ACTN1: variants seen among roughly 807,000 people sequenced by gnomAD.
ACTN1 encodes alpha-actinin-1.
Under a neutral mutation model 119.6 loss-of-function variants are expected in ACTN1, and 30 were observed. That is an observed-to-expected ratio of 0.25 (90% confidence interval 0.19 to 0.34). The LOEUF is 0.34. ACTN1 is among the 10% of genes least tolerant of loss of function. The pLI is 1.00. For missense variants in ACTN1, 764 were observed against 1,223.4 expected, an observed-to-expected ratio of 0.62 and a Z score of 5.60; for synonymous variants, 429 against 472.6, an observed-to-expected ratio of 0.91 and a Z score of 1.20.
At chr14:68,951,467 C>G (rs887115002) in intron 1 of ACTN1, among the ~76,000 whole-genome samples, 1 of 152,166 alleles carries the variant, frequency 6.6e-6, no homozygotes, top group Non-Finnish European at 1.5e-5. Flanking sequence ...TCTTTCTAAC[C>G]TCAACTCCCA....
intron 1 of ACTN1, among the ~76,000 whole-genome samples, chr14:68,969,374 A>G (rs759901117): frequency 1.3e-5 from 2 of 152,130 alleles, no homozygotes; most frequent in African/African-American, 4.8e-5. Flanking sequence ...GGAAAACACA[A>G]TTCATAAGCC....
rs1566586996 is a variant in ACTN1, at chr14:68,878,472, T to C, written c.2413A>G (p.Met805Val). The C allele has an allele frequency of 1.3e-6, 2 of 1,567,426 alleles. No homozygotes were observed. The highest frequency in any genetic ancestry group is 1.8e-5 in the Admixed American group (1 of 56,310). ...TDDFRACLIS[M>V]GYNMGEAEFA... ...GTTTACGTTACCATGTTGTAACCCA[T>C]GGAGATCAGGCAGGCGCGGAAATCA... is the stretch of plus-strand genomic sequence containing the variant. The change falls in exon 20 of 22, where the codon ATG becomes GTG. Residue 805 changes from methionine to valine, a missense_variant. By Grantham distance (21) the Met-to-Val change is conservative. Transcript: ENST00000394419. The surrounding 1 kb of genome is among the most constrained non-coding windows in gnomAD (Gnocchi z 4.4).
intron 1 of ACTN1, among the ~76,000 whole-genome samples, chr14:68,931,523 G>C (rs1225663067): frequency 6.6e-6 from 1 of 152,160 alleles, no homozygotes; most frequent in East Asian, 1.9e-4. Flanking sequence ...TAAACTTGCT[G>C]GGTACAGACC....
chr14:68,953,405 A>G (rs1284096221), intron 1 of ACTN1, among the ~76,000 whole-genome samples: 1 of 152,186 alleles, frequency 6.6e-6, no homozygotes, highest in Non-Finnish European at 1.5e-5. Context: ...AGCACTAATC[A>G]GCGTGCCCAG....
Position 68,874,662 on chromosome 14 carries a change from G to A in ACTN1, c.*197C>T, listed in dbSNP as rs2030629847. 1 of 453,498 alleles carries A rather than the reference G, an allele frequency of 2.2e-6. No individual in the cohort carries two copies. The highest frequency in any genetic ancestry group is 3.5e-5 in the East Asian group (1 of 28,260). The allele number at this position is 453,498 out of a possible 1,614,324, so 28.1% of individuals were successfully genotyped here. A position where few individuals can be genotyped will look rare whatever the true frequency, so the allele number is the denominator to read the frequency against. Reference sequence around the variant, plus strand: ...AATATGTAGTTTTTTGGTTTTTAACGTAACTTTTTTTTCTTTTTTGCAGAA... The same window carrying A: ...AATATGTAGTTTTTTGGTTTTTAACATAACTTTTTTTTCTTTTTTGCAGAA... On this transcript the variant is annotated 3_prime_UTR_variant, in exon 22 of 22. Transcript: ENST00000394419.
chr14:68,927,668 C>A (rs1005784986), intron 1 of ACTN1, among the ~76,000 whole-genome samples: 1 of 152,114 alleles, frequency 6.6e-6, no homozygotes, highest in Non-Finnish European at 1.5e-5. Context: ...GGAAAGAGGA[C>A]GCAGCAGGAC....
At chr14:68,956,619 G>T (rs2036359565) in intron 1 of ACTN1, among the ~76,000 whole-genome samples, 1 of 152,092 alleles carries the variant, frequency 6.6e-6, no homozygotes, top group South Asian at 2.1e-4. Context: ...AGCAGAGGGT[G>T]GACATACCCA....
chr14:68,912,238 G>A lies in ACTN1; in HGVS notation c.345C>T (p.Ile115=), dbSNP rs773658344. The change falls in exon 4 of 22, where the codon ATC becomes ATT. Residue 115 remains isoleucine, a synonymous_variant. Transcript: ENST00000394419. ...VKLVSIGAEE[I]VDGNVKMTLG... ...GGGTCATCTTCACATTCCCATCCACGATTTCTACAGAAACAGCAGCAGCAC... is the reference window on the plus strand; with the variant it reads ...GGGTCATCTTCACATTCCCATCCACAATTTCTACAGAAACAGCAGCAGCAC... The A allele has an allele frequency of 3.4e-5, 55 of 1,613,818 alleles. No homozygotes were observed. The highest frequency in any genetic ancestry group is 6.7e-5 in the Admixed American group (4 of 59,990).
In ACTN1 at chr14:68,909,993, G is replaced by A. The variant is rs2033908701; in HGVS notation, c.477C>T (p.Ala159=). 1.9e-6 allele frequency: 3 copies of A among 1,613,994 alleles called. No homozygotes were observed. The highest frequency in any genetic ancestry group is 2.2e-5 in the South Asian group (2 of 91,062). ...GLLLWCQRKT[A]PYKNVNIQNF... is the part of the protein sequence containing the mutation. ...TCTGGATGTTGACATTTTTGTAAGGGGCTGTCTTTCTCTGACACCACAGGA... is the reference window on the plus strand; with the variant it reads ...TCTGGATGTTGACATTTTTGTAAGGAGCTGTCTTTCTCTGACACCACAGGA... The change falls in exon 5 of 22, where the codon GCC becomes GCT. Residue 159 remains alanine, a synonymous_variant. Coordinates refer to ENST00000394419, the MANE Select transcript of ACTN1 (RefSeq NM_001130004.2). The surrounding 1 kb of genome is among the most constrained non-coding windows in gnomAD (Gnocchi z 4.1).
chr14:68,913,114 T>A (rs370555788), intron 3 of ACTN1, among the ~76,000 whole-genome samples: 12 of 152,232 alleles, frequency 7.9e-5, no homozygotes, highest in African/African-American at 2.9e-4. Context: ...GATAACCCAA[T>A]ATATTTAGTC....
chr14:68,892,325 G>C, intron 9 of ACTN1, 42 bp from the exon 10 acceptor site: 3 of 1,577,722 alleles, frequency 1.9e-6, no homozygotes, highest in Non-Finnish European at 2.6e-6. Context: ...GAGGAGGCGG[G>C]GAGGGAGTGT....
At chr14:68,913,080 A>G (rs2034098211) in intron 3 of ACTN1, among the ~76,000 whole-genome samples, 2 of 152,394 alleles carry the variant, frequency 1.3e-5, no homozygotes, top group South Asian at 4.1e-4. Context: ...AAATCAAACA[A>G]TAGCTTCAAG....
Position 68,878,655 on chromosome 14 carries a change from T to G in ACTN1, c.2362-132A>C. ...AGATTTATGGTTTTGGGGGTCAGGA[T>G]AGGTAAAGGAACATAGGAGAAGATG... is the stretch of plus-strand genomic sequence containing the variant. On this transcript the variant is annotated intron_variant, in intron 19 of 21. Transcript: ENST00000394419. This position sits in a 1 kb window ranked among gnomAD's most constrained non-coding sequence, Gnocchi z 4.4. The G allele has an allele frequency of 1.3e-6, 2 of 1,548,334 alleles. No individual in the cohort carries two copies. The highest frequency in any genetic ancestry group is 1.2e-5 in the South Asian group (1 of 84,560).
In ACTN1 at chr14:68,979,150, C is replaced by A; in HGVS notation, c.-94G>T. ...GGCGTGGGGAGGGAGTAGGGCTGGG[C>A]TGGGCTGGGCTGGCGGGGCCGGGCT... On this transcript the variant is annotated 5_prime_UTR_variant, in exon 1 of 22. Transcript: ENST00000394419. The A allele has an allele frequency of 2.0e-6, 1 of 494,468 alleles. No homozygotes were observed. Among genetic ancestry groups the A allele is most frequent in the Non-Finnish European group, 3.4e-6 (1 of 296,682 alleles). The allele number at this position is 494,468 out of a possible 1,614,324, so 30.6% of individuals were successfully genotyped here.
At chr14:68,889,076 G>A (rs1037996619) in intron 11 of ACTN1, among the ~76,000 whole-genome samples, 56 of 152,324 alleles carry the variant, frequency 3.7e-4, no homozygotes, top group Admixed American at 2.0e-3. Flanking sequence ...TCTGTCCCAC[G>A]CTCCAGCTGA....
Position 68,880,216 on chromosome 14 carries a change from T to C in ACTN1, c.2134-108A>G. On this transcript the variant is annotated intron_variant, in intron 17 of 21. Coordinates refer to ENST00000394419, the MANE Select transcript of ACTN1 (RefSeq NM_001130004.2). The surrounding 1 kb of genome is among the most constrained non-coding windows in gnomAD (Gnocchi z 4.6). ...ATCAAAATGGCCAAAGCCATCAAACTTGGCCTTCTGTGTGGCTGAGTGTCA... is the reference window on the plus strand; with the variant it reads ...ATCAAAATGGCCAAAGCCATCAAACCTGGCCTTCTGTGTGGCTGAGTGTCA... The C allele has an allele frequency of 7.1e-7, 1 of 1,417,240 alleles. No homozygotes were observed. The allele number at this position is 1,417,240 out of a possible 1,614,324, so 87.8% of individuals were successfully genotyped here.
chr14:68,924,178 G>A (rs1209222252), intron 2 of ACTN1, among the ~76,000 whole-genome samples: 1 of 152,242 alleles, frequency 6.6e-6, no homozygotes, highest in Non-Finnish European at 1.5e-5. Context: ...GAAGAGCCCT[G>A]AAGGTGGACG....
intron 1 of ACTN1, among the ~76,000 whole-genome samples, chr14:68,927,996 C>A (rs2035016512): frequency 1.3e-5 from 2 of 152,106 alleles, no homozygotes; most frequent in Admixed American, 1.3e-4. Context: ...GAACCTTCAG[C>A]CTAAGGTTTT....
At chr14:68,919,516 T>C (rs972472812) in intron 3 of ACTN1, among the ~76,000 whole-genome samples, 3 of 152,248 alleles carry the variant, frequency 2.0e-5, no homozygotes, top group Non-Finnish European at 4.4e-5. Context: ...ACAAAGCAGA[T>C]TATACTGCTA....
Sources: gnomAD v4.1 joint callset for allele counts (sites outside exome capture counted in the v4.1 genomes callset) on GRCh38, gnomAD v4.1.1 for gene constraint, Gnocchi (gnomAD v3.1) non-coding constraint, MANE v1.5 for transcripts, NCBI Gene and HGNC (gene_info 2026-07-23, HGNC 2026-07-21) for gene names.